SPART: variants seen among roughly 807,000 people sequenced by gnomAD.
SPART encodes spartin, also known as spastic paraplegia 20 (Troyer syndrome).
Under a neutral mutation model 58.7 loss-of-function variants are expected in SPART, and 35 were observed. That is an observed-to-expected ratio of 0.60 (90% CI 0.46 to 0.79). SPART has a LOEUF of 0.79. Among genes scored for constraint, SPART ranks in the 30% least tolerant of loss-of-function variants. SPART has a pLI of 0.00. For missense variants in SPART, 730 were observed against 786.1 expected (o/e 0.93, Z 0.85); for synonymous variants, 284 against 280.7 (o/e 1.01, Z -0.12).
intron 1 of SPART, among the ~76,000 whole-genome samples, chr13:36,358,442 A>T (rs181793694): frequency 6.6e-6 from 1 of 152,218 alleles, no homozygotes; most frequent in Admixed American, 6.5e-5. Flanking sequence ...GAATTTACCT[A>T]TTTTTTTCTC....
At chr13:36,316,481 C>A (rs946623558) in intron 5 of SPART, among the ~76,000 whole-genome samples, 3 of 152,206 alleles carry the variant, frequency 2.0e-5, no homozygotes, top group African/African-American at 7.2e-5. Flanking sequence ...TAAATGGCCA[C>A]TCCTTGCCTT....
chr13:36,354,381 A>G (rs1035303960), intron 1 of SPART, among the ~76,000 whole-genome samples: 28 of 152,190 alleles, frequency 1.8e-4, no homozygotes, highest in African/African-American at 6.5e-4. Context: ...CTTGAGGAAT[A>G]TTCTGTTCTG....
At chr13:36,316,879 G>A (rs185211104) in intron 5 of SPART, among the ~76,000 whole-genome samples, 24 of 152,240 alleles carry the variant, frequency 1.6e-4, no homozygotes, top group African/African-American at 4.8e-4. Flanking sequence ...TCCTAAGACC[G>A]ACCAGCCCAA....
upstream of SPART, chr13:36,346,866 C>G (rs1167681169): frequency 6.6e-6 from 1 of 152,228 alleles, no homozygotes; most frequent in Admixed American, 6.5e-5. Context: ...GCACAGTGCA[C>G]GAGAGACAAT....
Position 36,335,370 on chromosome 13 carries a change from G to C in SPART, c.461C>G (p.Ala154Gly), listed in dbSNP as rs756742244. The C allele has an allele frequency of 1.9e-6, 3 of 1,614,106 alleles. No homozygotes were observed. In the Admixed American group the frequency reaches 5.0e-5, roughly 27 times the overall value. Residue 154 changes from alanine to glycine, a missense_variant, in exon 2 of 9, where the codon GCT becomes GGT. Ala to Gly is a moderately conservative substitution (Grantham distance 60, BLOSUM62 0). Coordinates refer to ENST00000438666, the MANE Select transcript of SPART (RefSeq NM_015087.5). ...TGGTAAAGACAGAGAAGCAGGTGCA[G>C]CAACTGCCCCTGCACTTGGAGTTGA... ...NTSTPSAGAV[A>G]APASLSLPSQ... is the part of the protein sequence containing the mutation.
chr13:36,367,951 T>C (rs903766787), intron 1 of SPART, among the ~76,000 whole-genome samples: 2 of 152,206 alleles, frequency 1.3e-5, no homozygotes, highest in Non-Finnish European at 2.9e-5. Context: ...CCTCTGCAAA[T>C]TTAAGTCACA....
chr13:36,369,283 A>G (rs1311395489), intron 1 of SPART, among the ~76,000 whole-genome samples: 2 of 152,154 alleles, frequency 1.3e-5, no homozygotes, highest in East Asian at 1.9e-4. Flanking sequence ...GAGTGTTGCA[A>G]TGTACTCCTA....
chr13:36,323,859 T>C (rs1882659165), intron 5 of SPART, among the ~76,000 whole-genome samples: 1 of 152,208 alleles, frequency 6.6e-6, no homozygotes, highest in Non-Finnish European at 1.5e-5. Flanking sequence ...AAAGAGGTAC[T>C]GGCACGAAGA....
chr13:36,360,210 G>C lies in SPART; in HGVS notation c.-3+9879C>G, dbSNP rs368290653. ...CATGGGAGGCTGAGGCAGGAGAATC[G>C]CTTGAACCTGGGAGGTGGAGGTTGC... On this transcript the variant is annotated intron_variant, in intron 1 of 8. Coordinates refer to the SPART transcript ENST00000355182. Among the ~76,000 whole-genome samples, 14 of 93,850 alleles carry C rather than the reference G, an allele frequency of 1.5e-4. No homozygotes were observed. The South Asian group carries it at 4.6e-3, about 31-fold the overall frequency. 61.6% of individuals were successfully genotyped at this position (93,850 alleles called of 152,430 possible). A position where few individuals can be genotyped will look rare whatever the true frequency, so the allele number is the denominator to read the frequency against.
At chr13:36,306,225 A>T (rs1219826818) in intron 8 of SPART, among the ~76,000 whole-genome samples, 1 of 152,096 alleles carries the variant, frequency 6.6e-6, no homozygotes, top group Admixed American at 6.6e-5. Flanking sequence ...CTGTTATGCA[A>T]CCCCTCAGCA....
chr13:36,341,544 G>C (rs1884589770), intron 1 of SPART, among the ~76,000 whole-genome samples: 1 of 152,092 alleles, frequency 6.6e-6, no homozygotes. Context: ...CATGTACCTA[G>C]TGGCTACTGT....
intron 5 of SPART, among the ~76,000 whole-genome samples, chr13:36,324,117 G>T (rs1252196561): frequency 6.6e-6 from 1 of 152,174 alleles, no homozygotes. Context: ...CTGCTATTCT[G>T]AATGTTAATC....
chr13:36,331,874 C>T (rs1883497135), intron 2 of SPART, among the ~76,000 whole-genome samples: 2 of 152,046 alleles, frequency 1.3e-5, no homozygotes, highest in Non-Finnish European at 2.9e-5. Context: ...TAGTGTTAAC[C>T]AATAATGACT....
At chr13:36,349,410 T>G (rs1210171946), upstream of SPART, among the ~76,000 whole-genome samples, 1 of 152,222 alleles carries the variant, frequency 6.6e-6, no homozygotes, top group Non-Finnish European at 1.5e-5. Flanking sequence ...TTCGTACTAC[T>G]GACTGCAGAA....
At position 36,302,037 on chromosome 13, in the gene SPART, C is replaced by T. The variant is rs999300526; in HGVS notation, c.*2328G>A. 6.6e-6 allele frequency: 1 copy of T among 151,702 alleles called. No individual in the cohort carries two copies. Among genetic ancestry groups the T allele is most frequent in the African/African-American group, 2.4e-5 (1 of 41,260 alleles). The allele number at this position is 151,702 out of a possible 1,614,324, so 9.4% of individuals were successfully genotyped here. A position where few individuals can be genotyped will look rare whatever the true frequency, so the allele number is the denominator to read the frequency against. ...TTCAGACACTATATGTAGAAAGCTT[C>T]AAAAAATGAAACAGTATGTTTGGAG... On this transcript the variant is annotated 3_prime_UTR_variant, in exon 9 of 9. Coordinates refer to ENST00000438666, the MANE Select transcript of SPART (RefSeq NM_015087.5).
intron 1 of SPART, among the ~76,000 whole-genome samples, chr13:36,341,475 T>C (rs1884583585): frequency 6.6e-6 from 1 of 152,188 alleles, no homozygotes; most frequent in South Asian, 2.1e-4. Context: ...TCAGTATGTG[T>C]TTTACACTGA....
At chr13:36,315,720 A>G (rs886906291) in intron 5 of SPART, among the ~76,000 whole-genome samples, 1 of 152,216 alleles carries the variant, frequency 6.6e-6, no homozygotes, top group African/African-American at 2.4e-5. Flanking sequence ...ATTTAAAAAA[A>G]TTATCTTTTT....
chr13:36,322,191 A>G (rs1405552418), intron 5 of SPART, among the ~76,000 whole-genome samples: 1 of 152,214 alleles, frequency 6.6e-6, no homozygotes, highest in Non-Finnish European at 1.5e-5. Context: ...GACGTGCATG[A>G]AACTCAGCAC....
chr13:36,332,176 A>AAC (rs1315870655), intron 2 of SPART, among the ~76,000 whole-genome samples: 1 of 152,182 alleles, frequency 6.6e-6, no homozygotes, highest in Non-Finnish European at 1.5e-5. Context: ...AGAGAAGCTG[A>AAC]ACAAGTATTT....
Sources: allele counts gnomAD v4.1 joint callset (sites outside exome capture counted in the v4.1 genomes callset), GRCh38; gene constraint gnomAD v4.1.1; transcripts MANE v1.5; gene names NCBI Gene and HGNC (gene_info 2026-07-23, HGNC 2026-07-21).